The following PPP1R14C variants were observed in gnomAD, a reference collection of about 807,000 sequenced individuals.
PPP1R14C encodes protein phosphatase 1 regulatory inhibitor subunit 14C, also known as protein phosphatase 1 regulatory subunit 14C.
PPP1R14C carries 16 observed loss-of-function variants against 20.4 expected under a neutral mutation model. The observed-to-expected ratio is 0.78, with a 90% CI of 0.53 to 1.19. PPP1R14C has a LOEUF of 1.19. Among genes scored for constraint, PPP1R14C ranks in the 50% most tolerant of loss-of-function variants. PPP1R14C has a pLI of 0.00. For missense variants in PPP1R14C, 211 were observed against 220.1 expected, an observed-to-expected ratio of 0.96 and a Z score of 0.26; for synonymous variants, 91 against 91.0, an observed-to-expected ratio of 1.00 and a Z score of 0.00.
intron 1 of PPP1R14C, among the ~76,000 whole-genome samples, chr6:150,197,864 C>G (rs9383720): frequency 9.3e-4 from 105 of 113,256 alleles, no homozygotes; most frequent in African/African-American, 3.1e-3. Context: ...TGTGCCCCTG[C>G]CCGCCACAGT....
rs184347809 is a variant in PPP1R14C, at chr6:150,184,581, G to C, written c.307-30163G>C. On this transcript the variant is annotated intron_variant, in intron 1 of 3. Transcript: ENST00000361131. ...TCATGGCCACATGTTGTGTTTTGTC[G>C]TTACTATACCTATATCTTGGAGACA... Among the ~76,000 whole-genome samples the C allele has an allele frequency of 5.3e-5, 8 of 150,814 alleles. No individual in the cohort carries two copies. In the East Asian group the frequency reaches 9.8e-4, roughly 18 times the overall value.
At chr6:150,178,080 C>G (rs976898265) in intron 1 of PPP1R14C, among the ~76,000 whole-genome samples, 3 of 152,200 alleles carry the variant, frequency 2.0e-5, no homozygotes, top group African/African-American at 7.2e-5. Context: ...CTCCTGGAGC[C>G]GCGGCTGGCC....
intron 1 of PPP1R14C, among the ~76,000 whole-genome samples, chr6:150,155,838 A>G (rs544425536): frequency 6.6e-6 from 1 of 151,872 alleles, no homozygotes; most frequent in East Asian, 1.9e-4. Context: ...CAGCCTGAAC[A>G]ACATGGTAAG....
chr6:150,179,043 C>A (rs1672064251), intron 1 of PPP1R14C, among the ~76,000 whole-genome samples: 1 of 152,118 alleles, frequency 6.6e-6, no homozygotes, highest in South Asian at 2.1e-4. Context: ...CCTTATAATG[C>A]TTTTCCTTTT....
At chr6:150,204,996 C>CTTT (rs10683235) in intron 1 of PPP1R14C, among the ~76,000 whole-genome samples, 309 of 143,262 alleles carry the variant, frequency 2.2e-3, no homozygotes, top group Non-Finnish European at 2.7e-3. Flanking sequence ...AACTCAGAGT[C>CTTT]TTTTTTTTTT....
intron 1 of PPP1R14C, among the ~76,000 whole-genome samples, chr6:150,211,080 C>T (rs1397643608): frequency 6.6e-6 from 1 of 152,250 alleles, no homozygotes; most frequent in Non-Finnish European, 1.5e-5. Flanking sequence ...CACCTCCTCC[C>T]TCCTGTGTGC....
intron 1 of PPP1R14C, among the ~76,000 whole-genome samples, chr6:150,148,232 T>G (rs1777200931): frequency 6.6e-6 from 1 of 152,232 alleles, no homozygotes; most frequent in South Asian, 2.1e-4. Context: ...GCAAGGTTCA[T>G]GTAATCTTGG....
intron 1 of PPP1R14C, among the ~76,000 whole-genome samples, chr6:150,168,702 C>A (rs959043000): frequency 6.6e-6 from 1 of 151,972 alleles, no homozygotes; most frequent in Non-Finnish European, 1.5e-5. Context: ...ATGGAAGTAA[C>A]CTTAAGAGCG....
intron 3 of PPP1R14C, 52 bp from the exon 4 acceptor site, chr6:150,248,694 A>T: frequency 1.6e-6 from 2 of 1,266,828 alleles, no homozygotes. Context: ...AGATTTTTAA[A>T]CACAGAATTT....
chr6:150,210,326 A>G (rs1778007345), intron 1 of PPP1R14C, among the ~76,000 whole-genome samples: 1 of 152,162 alleles, frequency 6.6e-6, no homozygotes, highest in Non-Finnish European at 1.5e-5. Flanking sequence ...CCTGGATCTT[A>G]TCTTTACCTT....
chr6:150,202,832 CTTTTG>C (rs1192656412), intron 1 of PPP1R14C, among the ~76,000 whole-genome samples: 1 of 152,194 alleles, frequency 6.6e-6, no homozygotes, highest in Admixed American at 6.5e-5. Context: ...TAGTCTTGGT[CTTTTG>C]TTTTGTTTTG....
chr6:150,191,587 C>G (rs146463429), intron 1 of PPP1R14C, among the ~76,000 whole-genome samples: 112 of 152,322 alleles, frequency 7.4e-4, no homozygotes, highest in African/African-American at 2.6e-3. Context: ...CACCATAGAT[C>G]CTTGATTGAA....
At chr6:150,202,386 T>C (rs1318708507) in intron 1 of PPP1R14C, among the ~76,000 whole-genome samples, 1 of 152,244 alleles carries the variant, frequency 6.6e-6, no homozygotes, top group Non-Finnish European at 1.5e-5. Context: ...CAGGCTGTCC[T>C]GGTGTCTGGC....
intron 1 of PPP1R14C, among the ~76,000 whole-genome samples, chr6:150,186,877 G>T (rs1036195320): frequency 3.9e-5 from 6 of 152,182 alleles, no homozygotes; most frequent in African/African-American, 1.4e-4. Context: ...GACCTTGTGG[G>T]CCAAGCCAGG....
chr6:150,237,891 G>GTT (rs11389293), intron 3 of PPP1R14C, among the ~76,000 whole-genome samples: 1 of 151,866 alleles, frequency 6.6e-6, no homozygotes, highest in Non-Finnish European at 1.5e-5. Flanking sequence ...AGCCCATTAG[G>GTT]TTTTTTTTAG....
In PPP1R14C at chr6:150,174,048, T is replaced by C. The variant is rs528161105; in HGVS notation, c.306+30550T>C. On this transcript the variant is annotated intron_variant, in intron 1 of 3. Transcript: ENST00000361131. ...ACCCCCGAGATTTGTTAAGGTATTA[T>C]TGAAAAATAATAATTATATATACTT... is the stretch of plus-strand genomic sequence containing the variant. Among the ~76,000 whole-genome samples, 5 of 149,266 alleles carry C rather than the reference T, an allele frequency of 3.3e-5. No individual in the cohort carries two copies. In the East Asian group the frequency reaches 8.1e-4, roughly 24 times the overall value.
At chr6:150,161,228 C>T (rs1263323198) in intron 1 of PPP1R14C, among the ~76,000 whole-genome samples, 1 of 151,076 alleles carries the variant, frequency 6.6e-6, no homozygotes, top group African/African-American at 2.4e-5. Context: ...TGCAGTGAGC[C>T]GAGATCATGC....
At chr6:150,228,736 G>A (rs1778258531) in intron 3 of PPP1R14C, among the ~76,000 whole-genome samples, 2 of 152,042 alleles carry the variant, frequency 1.3e-5, no homozygotes, top group Admixed American at 6.6e-5. Flanking sequence ...TAAGGGCTTA[G>A]AGCTCACCTC....
intron 1 of PPP1R14C, among the ~76,000 whole-genome samples, chr6:150,174,265 G>A (rs1214254787): frequency 1.3e-5 from 2 of 152,068 alleles, no homozygotes; most frequent in African/African-American, 4.8e-5. Flanking sequence ...TGTCGCCCAG[G>A]CTGGAGTGCA....
Sources: gnomAD v4.1 joint callset for allele counts (sites outside exome capture counted in the v4.1 genomes callset) on GRCh38, gnomAD v4.1.1 for gene constraint, MANE v1.5 for transcripts, NCBI Gene and HGNC (gene_info 2026-07-23, HGNC 2026-07-21) for gene names.